Variants in ATCAY observed in about 807,000 individuals in gnomAD.
ATCAY encodes the protein caytaxin.
Under a neutral mutation model 47.7 loss-of-function variants are expected in ATCAY, and 22 were observed. The ratio of observed to expected loss-of-function variants is 0.46; its 90% CI spans 0.33 to 0.66. The LOEUF (loss-of-function observed/expected upper bound fraction) is 0.66, where lower values mean the gene tolerates loss of function less well. Ranked by LOEUF, ATCAY falls within the 30% of genes least tolerant of loss-of-function variation. The probability of loss-of-function intolerance (pLI) is 0.02; values close to 1 mark genes in which losing one functional copy is unlikely to be tolerated. For synonymous variants in ATCAY, 216 were observed against 207.6 expected, an observed-to-expected ratio of 1.04 and a Z score of -0.35; for missense variants, 452 against 515.0, an observed-to-expected ratio of 0.88 and a Z score of 1.18.
rs1357712867 is a variant in ATCAY, at chr19:3,885,835, A to T, written c.68A>T (p.Asp23Val). 9 of 1,551,940 alleles carry T rather than the reference A, an allele frequency of 5.8e-6. No homozygotes were observed. In the East Asian group the frequency reaches 2.0e-4, roughly 34 times the overall value. ...GTGAAGGAGGAATGGCAGGACGAAG[A>T]TCTTCCCAGGTAGGACTTCCACATC... is the stretch of plus-strand genomic sequence containing the variant. ...VDVKEEWQDE[D>V]LPRPLPEETG... The change falls in exon 2 of 13, where the codon GAT (aspartate) becomes GTT (valine). Residue 23 changes from aspartate (D) to valine (V), a missense_variant. By Grantham distance (152) the Asp-to-Val change is radical (BLOSUM62 -3). Coordinates refer to ENST00000450849, the MANE Select transcript of ATCAY (RefSeq NM_033064.5).
At chr19:3,904,307 G>A (rs1387471659) in intron 3 of ATCAY, among the ~76,000 whole-genome samples, 1 of 152,214 alleles carries the variant, frequency 6.6e-6, no homozygotes, top group Non-Finnish European at 1.5e-5. Flanking sequence ...CTGGGTAACG[G>A]AGTGAGACTC....
intron 2 of ATCAY, among the ~76,000 whole-genome samples, chr19:3,889,211 T>C (rs1052158122): frequency 6.6e-6 from 1 of 152,148 alleles, no homozygotes; most frequent in African/African-American, 2.4e-5. Context: ...GTCAGGAGTT[T>C]GAGACCAGCC....
Position 3,928,044 on chromosome 19 carries a change from G to A in ATCAY, c.*3452G>A, listed in dbSNP as rs1381544487. ...AAGACGTCGTCTCCATGAGCTTTGG[G>A]GGGACTTTTATGTGGAATAAAGAAA... On this transcript the variant is annotated 3_prime_UTR_variant, in exon 13 of 13. Transcript: ENST00000450849. 1 of 152,168 alleles carries A rather than the reference G, an allele frequency of 6.6e-6. No individual in the cohort carries two copies. Among genetic ancestry groups the A allele is most frequent in the Non-Finnish European group, 1.5e-5 (1 of 68,048 alleles). 9.4% of individuals were successfully genotyped at this position (152,168 alleles called of 1,614,324 possible).
At chr19:3,899,758 C>T (rs938737227) in intron 2 of ATCAY, among the ~76,000 whole-genome samples, 6 of 152,148 alleles carry the variant, frequency 3.9e-5, no homozygotes, top group East Asian at 1.9e-4. Flanking sequence ...CACGCCCTGC[C>T]GCTAGGACCT....
At chr19:3,897,600 G>T (rs992599487) in intron 2 of ATCAY, among the ~76,000 whole-genome samples, 1 of 151,626 alleles carries the variant, frequency 6.6e-6, no homozygotes, top group Non-Finnish European at 1.5e-5. Context: ...CCCAGCCAAA[G>T]CTTGCTTTTT....
intron 11 of ATCAY, among the ~76,000 whole-genome samples, chr19:3,919,193 G>A (rs1022350397): frequency 1.3e-5 from 2 of 151,254 alleles, no homozygotes; most frequent in African/African-American, 2.4e-5. Flanking sequence ...CAGGAGATTC[G>A]CTTGAACCCA....
rs114041237 is a variant in ATCAY at position 3,898,201 on chromosome 19, T to G, written c.78-4286T>G. Among the ~76,000 whole-genome samples the G allele has an allele frequency of 4.4e-3, 676 of 152,214 alleles. 6 individuals carry two copies. Among genetic ancestry groups the G allele is most frequent in the African/African-American group, 0.015 (631 of 41,546 alleles). The stretch of plus-strand genomic sequence containing the variant: ...CTTTTTTTTTTCTTTTCTTTTCTGT[T>G]TTGAGCAGGGTGTCACTCTTTCACC... On this transcript the variant is annotated intron_variant, in intron 2 of 12. Coordinates refer to ENST00000450849, the MANE Select transcript of ATCAY (RefSeq NM_033064.5).
intron 12 of ATCAY, among the ~76,000 whole-genome samples, chr19:3,921,629 G>A (rs1348705581): frequency 6.6e-6 from 1 of 151,532 alleles, no homozygotes; most frequent in Non-Finnish European, 1.5e-5. Flanking sequence ...TGGGTGTGGT[G>A]GCTCATGCCT....
chr19:3,884,286 CTAAA>C (rs113861636), intron 1 of ATCAY, among the ~76,000 whole-genome samples: 2 of 151,478 alleles, frequency 1.3e-5, no homozygotes, highest in East Asian at 1.9e-4. Context: ...GACCCCGTCT[CTAAA>C]TAAATAAATA....
chr19:3,894,167 A>G (rs2145229477), intron 2 of ATCAY, among the ~76,000 whole-genome samples: 1 of 151,862 alleles, frequency 6.6e-6, no homozygotes. Flanking sequence ...AGCCTGCAAG[A>G]CCCCATCTGC....
chr19:3,888,923 CCTGT>C (rs1218299377), intron 2 of ATCAY, among the ~76,000 whole-genome samples: 6 of 152,044 alleles, frequency 3.9e-5, no homozygotes, highest in Non-Finnish European at 8.8e-5. Context: ...GGCCCATGCA[CCTGT>C]CTGTGTTTCT....
At chr19:3,889,180 A>C (rs2038691292) in intron 2 of ATCAY, among the ~76,000 whole-genome samples, 1 of 152,136 alleles carries the variant, frequency 6.6e-6, no homozygotes, top group Non-Finnish European at 1.5e-5. Flanking sequence ...TTGGGAAGCC[A>C]AGGCTGGCAG....
chr19:3,888,970 C>T (rs1300406197), intron 2 of ATCAY, among the ~76,000 whole-genome samples: 6 of 152,050 alleles, frequency 3.9e-5, no homozygotes, highest in Admixed American at 2.6e-4. Context: ...TCAGAATAGC[C>T]GAGAATCAGA....
intron 8 of ATCAY, among the ~76,000 whole-genome samples, chr19:3,912,369 A>C (rs2038930818): frequency 6.6e-6 from 1 of 151,354 alleles, no homozygotes; most frequent in Admixed American, 6.6e-5. Context: ...GCTGGAGTGC[A>C]GTGGCGCGAT....
intron 2 of ATCAY, among the ~76,000 whole-genome samples, chr19:3,894,823 C>A (rs529732998): frequency 6.6e-6 from 1 of 151,616 alleles, no homozygotes; most frequent in Non-Finnish European, 1.5e-5. Flanking sequence ...GTGGTGCACA[C>A]CTAGGGTCCC....
chr19:3,914,172 G>C (rs12459422), intron 9 of ATCAY, among the ~76,000 whole-genome samples: 83,806 of 145,332 alleles, frequency 0.58, 25,106 homozygotes, highest in East Asian at 0.93. Flanking sequence ...GGAGGCGGAG[G>C]TTGCAGTAAG....
Position 3,921,943 on chromosome 19 carries a change from G to A in ATCAY, c.1106+1145G>A, listed in dbSNP as rs189644986. Among the ~76,000 whole-genome samples the A allele has an allele frequency of 9.9e-5, 15 of 152,138 alleles. No homozygotes were observed. The East Asian group carries it at 2.5e-3, about 25-fold the overall frequency. On this transcript the variant is annotated intron_variant, in intron 12 of 12. Transcript: ENST00000450849. ...AAAAAACTTAACAAAAGGAAGAGGTGCATAGGGCTGGATCCAGGAGAGATC... is the reference window on the plus strand; with the variant it reads ...AAAAAACTTAACAAAAGGAAGAGGTACATAGGGCTGGATCCAGGAGAGATC...
In ATCAY at chr19:3,915,099, G is replaced by A. The variant is rs189767926; in HGVS notation, c.965+1243G>A. On this transcript the variant is annotated intron_variant, in intron 9 of 12. Transcript: ENST00000450849. Reference sequence around the variant, plus strand: ...TCATGCTGCAAAAATCTCCTTAAACGTACATTTTTTTATTGTGGTAAAATA... The same window carrying A: ...TCATGCTGCAAAAATCTCCTTAAACATACATTTTTTTATTGTGGTAAAATA... Among the ~76,000 whole-genome samples, 41 of 152,158 alleles carry A rather than the reference G, an allele frequency of 2.7e-4. No homozygotes were observed. In the East Asian group the frequency reaches 6.4e-3, roughly 24 times the overall value.
rs2039067982 is a variant in ATCAY, at chr19:3,926,524, A to C, written c.*1932A>C. The C allele has an allele frequency of 6.6e-6, 1 of 152,218 alleles. No individual in the cohort carries two copies. Among genetic ancestry groups the C allele is most frequent in the Admixed American group, 6.6e-5 (1 of 15,264 alleles). 9.4% of individuals were successfully genotyped at this position (152,218 alleles called of 1,614,324 possible). On this transcript the variant is annotated 3_prime_UTR_variant, in exon 13 of 13. Transcript: ENST00000450849. ...CCACAATTAACTGAGCCTCAGTGAAAGCGTCCAGTGCATCTTGACCTGAGA... is the reference window on the plus strand; with the variant it reads ...CCACAATTAACTGAGCCTCAGTGAACGCGTCCAGTGCATCTTGACCTGAGA...
Sources: allele counts gnomAD v4.1 joint callset (sites outside exome capture counted in the v4.1 genomes callset), GRCh38; gene constraint gnomAD v4.1.1; transcripts MANE v1.5; gene names NCBI Gene and HGNC (gene_info 2026-07-23, HGNC 2026-07-21).